Variants in CCBE1 observed in about 807,000 individuals in gnomAD.
CCBE1 encodes collagen and calcium-binding EGF domain-containing protein 1.
Under a neutral mutation model 50.0 loss-of-function variants are expected in CCBE1, and 37 were observed. The ratio of observed to expected loss-of-function variants is 0.74; its 90% CI spans 0.57 to 0.97. CCBE1 has a LOEUF of 0.97. Among genes scored for constraint, CCBE1 ranks in the 50% least tolerant of loss-of-function variants. The pLI is 0.00. For missense variants in CCBE1, 538 were observed against 523.8 expected, an observed-to-expected ratio of 1.03 and a Z score of -0.26; for synonymous variants, 234 against 203.7, an observed-to-expected ratio of 1.15 and a Z score of -1.27.
chr18:59,497,387 A>T (rs532244119), intron 2 of CCBE1, among the ~76,000 whole-genome samples: 1 of 152,222 alleles, frequency 6.6e-6, no homozygotes, highest in Admixed American at 6.5e-5. Context: ...AGCAAAGAAC[A>T]TAAGTGTCTA....
intron 2 of CCBE1, among the ~76,000 whole-genome samples, chr18:59,593,194 A>G (rs1481373872): frequency 6.6e-6 from 1 of 152,200 alleles, no homozygotes; most frequent in Non-Finnish European, 1.5e-5. Context: ...GGTATTCTAG[A>G]TCTGTGTTTT....
chr18:59,476,328 G>A (rs1322916103), intron 3 of CCBE1, among the ~76,000 whole-genome samples: 2 of 152,182 alleles, frequency 1.3e-5, no homozygotes, highest in African/African-American at 2.4e-5. Flanking sequence ...GGCAGGGACT[G>A]TGTCCCCTTG....
At chr18:59,672,436 G>C (rs2054444542) in intron 2 of CCBE1, among the ~76,000 whole-genome samples, 1 of 152,206 alleles carries the variant, frequency 6.6e-6, no homozygotes, top group South Asian at 2.1e-4. Flanking sequence ...AGCTGCCTCA[G>C]ACTGCTTCTG....
At chr18:59,671,928 A>T (rs1171337004) in intron 2 of CCBE1, among the ~76,000 whole-genome samples, 1 of 152,176 alleles carries the variant, frequency 6.6e-6, no homozygotes, top group East Asian at 1.9e-4. Flanking sequence ...TGGTTTGCAG[A>T]TAACATACAG....
chr18:59,454,770 AT>A, intron 6 of CCBE1, 80 bp downstream of exon 6: 2 of 1,177,616 alleles, frequency 1.7e-6, no homozygotes, highest in Non-Finnish European at 2.5e-6. Flanking sequence ...ATATTTTCTT[AT>A]TTGTAAATAT....
intron 2 of CCBE1, among the ~76,000 whole-genome samples, chr18:59,642,891 G>A (rs1868729310): frequency 6.9e-6 from 1 of 143,922 alleles, no homozygotes; most frequent in Non-Finnish European, 1.5e-5. Context: ...GGAGGTTGCA[G>A]TGAACCGAGA....
rs2054106040 is a variant in CCBE1 at position 59,649,974 on chromosome 18, G to A, written c.212+46655C>T. 2.0e-5 allele frequency among the ~76,000 whole-genome samples: 3 copies of A among 152,086 alleles called. No homozygotes were observed. The South Asian group carries it at 6.2e-4, about 32-fold the overall frequency. The stretch of plus-strand genomic sequence containing the variant: ...GAAAGGAGGGAGGGGTCCCAGACAG[G>A]CCTTCCCCACTTGTTTTAGTGGCAC... On this transcript the variant is annotated intron_variant, in intron 2 of 10. Transcript: ENST00000439986.
chr18:59,551,777 A>G (rs1435874546), intron 2 of CCBE1, among the ~76,000 whole-genome samples: 1 of 152,230 alleles, frequency 6.6e-6, no homozygotes, highest in Non-Finnish European at 1.5e-5. Context: ...AAAGTCAGAA[A>G]GACTTACTTA....
chr18:59,645,678 A>T (rs1163368566), intron 2 of CCBE1, among the ~76,000 whole-genome samples: 3 of 152,220 alleles, frequency 2.0e-5, no homozygotes, highest in Non-Finnish European at 4.4e-5. Context: ...TATTCTAAGG[A>T]AACTGTAGGT....
intron 2 of CCBE1, among the ~76,000 whole-genome samples, chr18:59,545,192 G>A (rs949072140): frequency 5.9e-5 from 9 of 152,208 alleles, no homozygotes; most frequent in Admixed American, 3.3e-4. Context: ...ACGGTATCTC[G>A]CTGTAAATAT....
At chr18:59,581,122 CAG>C (rs1248964202) in intron 2 of CCBE1, among the ~76,000 whole-genome samples, 1 of 152,100 alleles carries the variant, frequency 6.6e-6, no homozygotes, top group African/African-American at 2.4e-5. Flanking sequence ...ACTTATCAGA[CAG>C]AGTTTTATTC....
At chr18:59,513,116 C>T (rs1380971121) in intron 2 of CCBE1, among the ~76,000 whole-genome samples, 1 of 152,074 alleles carries the variant, frequency 6.6e-6, no homozygotes, top group East Asian at 1.9e-4. Context: ...GAGACCAGCC[C>T]AGCCAACATG....
rs1342516180 is a variant in CCBE1, at chr18:59,580,420, C to A, written c.213-100182G>T. On this transcript the variant is annotated intron_variant, in intron 2 of 10. Coordinates refer to ENST00000439986, the MANE Select transcript of CCBE1 (RefSeq NM_133459.4). ...CATGTGCCCCCAAAATGTAGAAAAC[C>A]AAATTATGCTCTGACCACCTGGAGC... 8.5e-5 allele frequency among the ~76,000 whole-genome samples: 13 copies of A among 152,264 alleles called. No homozygotes were observed. In the South Asian group the frequency reaches 2.7e-3, roughly 32 times the overall value.
chr18:59,439,130 C>CA (rs1286790604), intron 9 of CCBE1, among the ~76,000 whole-genome samples: 3 of 151,922 alleles, frequency 2.0e-5, no homozygotes, highest in African/African-American at 7.3e-5. Flanking sequence ...ACTGAAAATA[C>CA]AAAAAAATTA....
rs144481473 is a variant in CCBE1 at position 59,455,051 on chromosome 18, G to A, written c.554-100C>T. 85 of 891,708 alleles carry A rather than the reference G, an allele frequency of 9.5e-5. No individual in the cohort carries two copies. In the East Asian group the frequency reaches 2.0e-3, roughly 21 times the overall value. 55.2% of individuals were successfully genotyped at this position (891,708 alleles called of 1,614,324 possible). ...GGGCGGTCCCAGGGACAGAGTAGCT[G>A]ACAGCGGGACATGCGAGGGCTCAAC... On this transcript the variant is annotated intron_variant, in intron 5 of 10. Coordinates refer to ENST00000439986, the MANE Select transcript of CCBE1 (RefSeq NM_133459.4).
intron 2 of CCBE1, among the ~76,000 whole-genome samples, chr18:59,691,451 GC>G (rs1391539796): frequency 6.6e-6 from 1 of 152,202 alleles, no homozygotes. Flanking sequence ...TGTTGCCCAG[GC>G]TGGAGTGCAG....
chr18:59,600,988 C>G (rs1319327427), intron 2 of CCBE1, among the ~76,000 whole-genome samples: 3 of 82,422 alleles, frequency 3.6e-5, no homozygotes, highest in Non-Finnish European at 8.0e-5. Flanking sequence ...GGATAGGGAT[C>G]TATTTTATTA....
At chr18:59,559,593 GC>G (rs1222690396) in intron 2 of CCBE1, among the ~76,000 whole-genome samples, 1 of 152,234 alleles carries the variant, frequency 6.6e-6, no homozygotes, top group Non-Finnish European at 1.5e-5. Flanking sequence ...GAAGCATAAA[GC>G]CTCTTGTGTT....
At chr18:59,448,569 T>C (rs750001) in intron 6 of CCBE1, among the ~76,000 whole-genome samples, 40,342 of 151,948 alleles carry the variant, frequency 0.27, 5,827 homozygotes, top group Middle Eastern at 0.38. Flanking sequence ...TGGCTGACGG[T>C]TCCCCAGCAC....
Sources: gnomAD v4.1 joint callset for allele counts (sites outside exome capture counted in the v4.1 genomes callset) on GRCh38, gnomAD v4.1.1 for gene constraint, MANE v1.5 for transcripts, NCBI Gene and HGNC (gene_info 2026-07-23, HGNC 2026-07-21) for gene names.